The following TEX11 variants were observed in gnomAD, a reference collection of about 807,000 sequenced individuals.
TEX11 encodes the protein testis expressed 11.
Under a neutral mutation model 84.4 loss-of-function variants are expected in TEX11, and 7 were observed. The ratio of observed to expected loss-of-function variants is 0.08; its 90% confidence interval spans 0.05 to 0.16. The LOEUF (loss-of-function observed/expected upper bound fraction) is 0.16. Ranked by LOEUF, TEX11 falls within the 10% of genes least tolerant of loss-of-function variation. The pLI is 1.00. For missense variants in TEX11, 551 were observed against 660.5 expected, an observed-to-expected ratio of 0.83 and a Z score of 1.82; for synonymous variants, 264 against 222.8, an observed-to-expected ratio of 1.18 and a Z score of -1.64.
At chrX:70,682,500 C>T (rs1310278813) in intron 14 of TEX11, among the ~76,000 whole-genome samples, 174 bp downstream of exon 14, 2 of 111,385 alleles carry the variant, frequency 1.8e-5, no homozygotes, top group Non-Finnish European at 3.8e-5. Context: ...ATTCCACTTG[C>T]CCAATTTGTG....
the TEX11 span, among the ~76,000 whole-genome samples, chrX:70,517,907 G>A: frequency 2.5e-4 from 28 of 111,058 alleles, no homozygotes; most frequent in East Asian, 2.3e-3. Context: ...GTTTATTTGC[G>A]TAGAGGTGTT....
At position 70,629,674 on chromosome X, in the gene TEX11, ATCAT is replaced by A; in HGVS notation, c.1541_1544del (p.Asn514IlefsTer2). The stretch of plus-strand genomic sequence containing the variant: ...TAGGTGAACCTCTCTCTGCAACTAG[ATCAT>A]TATCTTCTGACTCTTCATCTGTTAA... On this transcript the variant is annotated frameshift_variant, in exon 18 of 30. Coordinates refer to ENST00000374333, the MANE Select transcript of TEX11 (RefSeq NM_031276.3). LOFTEE classifies it high-confidence loss of function. 3.3e-6 allele frequency: 4 copies of A among 1,198,892 alleles called. No individual in the cohort carries two copies. The highest frequency in any genetic ancestry group is 4.5e-6 in the Non-Finnish European group (4 of 884,644).
chrX:70,524,857 A>G (rs1366838850), downstream of TEX11, among the ~76,000 whole-genome samples: 1 of 111,912 alleles, frequency 8.9e-6, no homozygotes, highest in African/African-American at 3.2e-5. Context: ...GAGCCACCAC[A>G]CCCAGCCAAT....
At chrX:70,864,755 AAAAAG>A (rs1286822564) in intron 4 of TEX11, among the ~76,000 whole-genome samples, 2 of 107,486 alleles carry the variant, frequency 1.9e-5, no homozygotes, top group Non-Finnish European at 3.8e-5. Flanking sequence ...AAAAAAAAAA[AAAAAG>A]AAAAGAAAAG....
At chrX:70,677,858 G>C (rs1411921134) in intron 15 of TEX11, among the ~76,000 whole-genome samples, 1 of 91,484 alleles carries the variant, frequency 1.1e-5, no homozygotes, top group Non-Finnish European at 2.1e-5. Context: ...TCTGTCGCCA[G>C]GCTGGAGTGC....
At chrX:70,580,458 G>C (rs1603097746) in intron 25 of TEX11, among the ~76,000 whole-genome samples, 1 of 112,302 alleles carries the variant, frequency 8.9e-6, no homozygotes, top group Admixed American at 9.4e-5. Flanking sequence ...TGGATTGTTT[G>C]TAACACAAAG....
At chrX:70,556,163 G>T (rs1336072715) in intron 25 of TEX11, among the ~76,000 whole-genome samples, 4 of 110,921 alleles carry the variant, frequency 3.6e-5, no homozygotes, top group African/African-American at 1.3e-4. Context: ...TTGCTTGATT[G>T]GGTTTAATTT....
At chrX:70,639,853 T>G (rs371720734) in intron 17 of TEX11, among the ~76,000 whole-genome samples, 1 of 111,109 alleles carries the variant, frequency 9.0e-6, no homozygotes, top group Admixed American at 9.6e-5. Context: ...ACTCTAAAAA[T>G]CAGAGCGCCT....
At chrX:70,561,608 G>A (rs2088376024) in intron 25 of TEX11, among the ~76,000 whole-genome samples, 3 of 109,131 alleles carry the variant, frequency 2.7e-5, no homozygotes, top group Admixed American at 9.9e-5. Flanking sequence ...GGCTGGTCTC[G>A]AACTCCTGAC....
chrX:70,752,676 T>A (rs777311220), intron 9 of TEX11, among the ~76,000 whole-genome samples: 3 of 110,341 alleles, frequency 2.7e-5, no homozygotes, highest in Non-Finnish European at 3.8e-5. Context: ...GCTCCACCAA[T>A]CGTCCCTCCT....
intron 13 of TEX11, among the ~76,000 whole-genome samples, chrX:70,686,243 T>C (rs2090187615): frequency 8.9e-6 from 1 of 111,963 alleles, no homozygotes; most frequent in Admixed American, 9.5e-5. Flanking sequence ...CACACGTATG[T>C]TTATTGCAGC....
chrX:70,538,425 A>G (rs1417162191), intron 28 of TEX11, among the ~76,000 whole-genome samples: 1 of 111,450 alleles, frequency 9.0e-6, no homozygotes, highest in Non-Finnish European at 1.9e-5. Context: ...TCAAAGTCTG[A>G]CTCAAAGATG....
At chrX:70,592,508 A>G (rs2088946445) in intron 24 of TEX11, among the ~76,000 whole-genome samples, 1 of 111,653 alleles carries the variant, frequency 9.0e-6, no homozygotes, top group African/African-American at 3.2e-5. Context: ...CCCAGCCTCT[A>G]TTTGTAAGGC....
At chrX:70,797,234 T>G (rs2091160702) in intron 9 of TEX11, among the ~76,000 whole-genome samples, 1 of 112,209 alleles carries the variant, frequency 8.9e-6, no homozygotes, top group African/African-American at 3.2e-5. Flanking sequence ...AATGGCAGAA[T>G]GCATAAGGTA....
rs762509635 is a variant in TEX11, at chrX:70,744,211, T to A, written c.701A>T (p.Tyr234Phe). The change falls in exon 10 of 30, where the codon TAT becomes TTT. Residue 234 changes from tyrosine to phenylalanine, a missense_variant. By Grantham distance (22) the Tyr-to-Phe change is conservative (BLOSUM62 3). Coordinates refer to ENST00000374333, the MANE Select transcript of TEX11 (RefSeq NM_031276.3). ...TTTCTTATCCATCTTCCCAATATCA[T>A]AGCTTTGGCTATCATTAAAAAGGAA... is the stretch of plus-strand genomic sequence containing the variant. ...EESSFWLSQSYDIGKMDKKST... is the reference protein window; with the variant it reads ...EESSFWLSQSFDIGKMDKKST... 11 of 957,706 alleles carry A rather than the reference T, an allele frequency of 1.1e-5. No individual in the cohort carries two copies. The African/African-American group carries it at 2.7e-4, about 23-fold the overall frequency. 78.9% of individuals were successfully genotyped at this position (957,706 alleles called of 1,213,427 possible).
At chrX:70,641,087 T>C (rs2089650994) in intron 17 of TEX11, among the ~76,000 whole-genome samples, 1 of 110,537 alleles carries the variant, frequency 9.0e-6, no homozygotes, top group African/African-American at 3.3e-5. Context: ...ACCAAGCAAA[T>C]GGAAAACAAA....
At chrX:70,848,489 C>G (rs2091490793) in intron 7 of TEX11, among the ~76,000 whole-genome samples, 1 of 111,539 alleles carries the variant, frequency 9.0e-6, no homozygotes, top group African/African-American at 3.3e-5. Flanking sequence ...CCCCACTTTT[C>G]TACACTCTTG....
At chrX:70,691,846 G>C (rs982212453) in intron 13 of TEX11, among the ~76,000 whole-genome samples, 1 of 110,665 alleles carries the variant, frequency 9.0e-6, no homozygotes, top group Non-Finnish European at 1.9e-5. Flanking sequence ...CCATGAAGTG[G>C]ATATGTTAAT....
chrX:70,576,347 T>C (rs2088672886), intron 25 of TEX11, among the ~76,000 whole-genome samples: 1 of 112,278 alleles, frequency 8.9e-6, no homozygotes. Context: ...ATTACTGACA[T>C]ACTGGGCTCA....
Sources: gnomAD v4.1 joint callset for allele counts (sites outside exome capture counted in the v4.1 genomes callset) on GRCh38, gnomAD v4.1.1 for gene constraint, MANE v1.5 for transcripts, NCBI Gene and HGNC (gene_info 2026-07-23, HGNC 2026-07-21) for gene names.